Variants in SBF1 observed in about 807,000 individuals in gnomAD.
SBF1 encodes the protein myotubularin-related protein 5.
In SBF1, 65 loss-of-function variants were observed where a neutral mutation model predicts 215.8. The ratio of observed to expected loss-of-function variants is 0.30; its 90% CI spans 0.25 to 0.37. The LOEUF is 0.37. SBF1 is among the 10% of genes least tolerant of loss of function. The probability of loss-of-function intolerance (pLI) is 1.00; values close to 1 mark genes in which losing one functional copy is unlikely to be tolerated. For synonymous variants in SBF1, 1,410 were observed against 1,122.8 expected, an observed-to-expected ratio of 1.26 and a Z score of -5.11; for missense variants, 2,634 against 2,667.8, an observed-to-expected ratio of 0.99 and a Z score of 0.28.
rs2066829427 is a variant in SBF1 at position 50,446,632 on chromosome 22, A to C, written c.*510T>G. On this transcript the variant is annotated 3_prime_UTR_variant, in exon 41 of 41. Coordinates refer to ENST00000380817, the MANE Select transcript of SBF1 (RefSeq NM_002972.4). ...AGCCTCCTGCTCGATCCGCCCCCAG[A>C]GCAAAGTCACTCCCAGGGACATGCA... 3 of 354,104 alleles carry C rather than the reference A, an allele frequency of 8.5e-6. No homozygotes were observed. The highest frequency in any genetic ancestry group is 1.7e-5 in the Non-Finnish European group (3 of 178,634). The allele number at this position is 354,104 out of a possible 1,614,324, so 21.9% of individuals were successfully genotyped here. A position where few individuals can be genotyped will look rare whatever the true frequency, so the allele number is the denominator to read the frequency against.
In SBF1 at chr22:50,453,549, A is replaced by C. The variant is rs576702050; in HGVS notation, c.5043+963T>G. On this transcript the variant is annotated intron_variant, in intron 36 of 40. Coordinates refer to ENST00000380817, the MANE Select transcript of SBF1 (RefSeq NM_002972.4). ...ACGCCTGTAATCCCAGCACTTTGGGAGGCCGAGGCAGGTGGATCACGAGGT... is the reference window on the plus strand; with the variant it reads ...ACGCCTGTAATCCCAGCACTTTGGGCGGCCGAGGCAGGTGGATCACGAGGT... 2.1e-4 allele frequency among the ~76,000 whole-genome samples: 32 copies of C among 152,332 alleles called. No homozygotes were observed. The Middle Eastern group carries it at 0.01, about 49-fold the overall frequency.
In SBF1 at chr22:50,456,699, C is replaced by T. The variant is rs141069501; in HGVS notation, c.3905-26G>A. ...CTGTGAAGGAGATGCCAGGTAAGCA[C>T]CCAAAGGGGGCCAGGGCACCACTTA... On this transcript the variant is annotated intron_variant, in intron 29 of 40. Coordinates refer to ENST00000380817, the MANE Select transcript of SBF1 (RefSeq NM_002972.4). 4,411 of 1,450,190 alleles carry T rather than the reference C, an allele frequency of 3.0e-3. 42 individuals carry two copies. The highest frequency in any genetic ancestry group is 0.022 in the South Asian group (1,506 of 68,062). 89.8% of individuals were successfully genotyped at this position (1,450,190 alleles called of 1,614,324 possible).
chr22:50,468,028 A>C (rs2067848669), intron 2 of SBF1, 105 bp from the exon 3 acceptor site: 4 of 1,386,454 alleles, frequency 2.9e-6, no homozygotes, highest in Non-Finnish European at 4.0e-6. Context: ...TCCAACACAC[A>C]CAGGCAGCTC....
chr22:50,456,018 T>C (rs1349823011), intron 31 of SBF1, 198 bp downstream of exon 31: 3 of 619,358 alleles, frequency 4.8e-6, no homozygotes, highest in African/African-American at 1.9e-5. Flanking sequence ...CTGGCCACTC[T>C]CACTGTCAGC....
In SBF1 at chr22:50,462,912, G is replaced by A. The variant is rs1198266152; in HGVS notation, c.1926C>T (p.Gly642=). ...CCAGAGGCAGCAGAGCCGCCGCAAT[G>A]CCATGCTCGTCCAGAGAAGTGCAGT... ...LQDCTSLDEH[G]IAAALLPLVT... Residue 642 remains glycine (G), a synonymous_variant, in exon 17 of 41, where the codon GGC becomes GGT. Transcript: ENST00000380817. 2 of 1,613,148 alleles carry A rather than the reference G, an allele frequency of 1.2e-6. No homozygotes were observed. Among genetic ancestry groups the A allele is most frequent in the Non-Finnish European group, 1.7e-6 (2 of 1,179,920 alleles).
chr22:50,454,897 T>G lies in SBF1; in HGVS notation c.4729A>C (p.Arg1577=). Residue 1577 remains arginine (R), a synonymous_variant, in exon 35 of 41, where the codon AGG becomes CGG. Coordinates refer to ENST00000380817, the MANE Select transcript of SBF1 (RefSeq NM_002972.4). ...KGERRGQVPC[R]SVWEYVDRLS... ...CGGTCCACATACTCCCACACAGACC[T>G]GCACGGCACCTGGCCCCTGCGTTCC... is the stretch of plus-strand genomic sequence containing the variant. 1 of 1,614,098 alleles carries G rather than the reference T, an allele frequency of 6.2e-7. No individual in the cohort carries two copies. Among genetic ancestry groups the G allele is most frequent in the Non-Finnish European group, 8.5e-7 (1 of 1,180,004 alleles).
At chr22:50,462,834 G>A (rs201286164) in intron 17 of SBF1, 36 bp downstream of exon 17, 16 of 1,612,112 alleles carry the variant, frequency 9.9e-6, no homozygotes, top group Middle Eastern at 1.6e-4. Flanking sequence ...AGGAAGGGGG[G>A]GCTGGGAAGG....
Position 50,464,637 on chromosome 22 carries a change from G to T in SBF1, c.1533C>A (p.Gly511=), listed in dbSNP as rs769478830. 1.9e-6 allele frequency: 3 copies of T among 1,610,174 alleles called. No individual in the cohort carries two copies. Among genetic ancestry groups the T allele is most frequent in the Non-Finnish European group, 2.5e-6 (3 of 1,179,808 alleles). ...CCTGGTCCACGATCCACTGCACGGT[G>T]CCCTCATCCAGCCGGGGGAAGGGTC... The part of the protein sequence containing the change: ...VPRPFPRLDE[G]TVQWIVDQAA... The change falls in exon 14 of 41, where the codon GGC becomes GGA. Residue 511 remains glycine (G), a synonymous_variant. Coordinates refer to ENST00000380817, the MANE Select transcript of SBF1 (RefSeq NM_002972.4).
intron 11 of SBF1, 33 bp from the exon 12 acceptor site, chr22:50,465,162 G>A (rs534309630): frequency 4.3e-5 from 69 of 1,613,846 alleles, no homozygotes; most frequent in African/African-American, 2.8e-4. Flanking sequence ...TCCCTCAGGG[G>A]TCTCCACCAT....
chr22:50,464,996 T>C lies in SBF1; in HGVS notation c.1332+5A>G. ...GGGGGCTGGGAGGGCAGGGTGGAGG[T>C]GCACCTCATCGAACAGGTCCGTAGG... is the stretch of plus-strand genomic sequence containing the variant. On this transcript the variant is annotated splice_donor_5th_base_variant and intron_variant, in intron 12 of 40. Coordinates refer to ENST00000380817, the MANE Select transcript of SBF1 (RefSeq NM_002972.4). 2 of 1,613,658 alleles carry C rather than the reference T, an allele frequency of 1.2e-6. No homozygotes were observed. Among genetic ancestry groups the C allele is most frequent in the Non-Finnish European group, 8.5e-7 (1 of 1,179,890 alleles).
In SBF1 at chr22:50,447,434, C is replaced by T. The variant is rs202149945; in HGVS notation, c.5471G>A (p.Arg1824His). 413 of 1,613,788 alleles carry T rather than the reference C, an allele frequency of 2.6e-4. No homozygotes were observed. The highest frequency in any genetic ancestry group is 3.2e-4 in the Non-Finnish European group (377 of 1,179,962). Residue 1824 changes from arginine to histidine, a missense_variant, in exon 40 of 41, where the codon CGT becomes CAT. Transcript: ENST00000380817. ...GACACCCTTGCACTCTGTGTCCACA[C>T]GGTGGTCGTAGTAGCGCAGCTGGAG... The part of the protein sequence containing the change: ...TKHQLRYYDH[R>H]VDTECKGVID...
Position 50,459,643 on chromosome 22 carries a change from G to T in SBF1, c.3515C>A (p.Pro1172His), listed in dbSNP as rs1269661338. 6.2e-7 allele frequency: 1 copy of T among 1,607,418 alleles called. No homozygotes were observed. Among genetic ancestry groups the T allele is most frequent in the Non-Finnish European group, 8.5e-7 (1 of 1,177,948 alleles). The change falls in exon 27 of 41, where the codon CCC (proline) becomes CAC (histidine). Residue 1172 changes from proline to histidine, a missense_variant. By Grantham distance (77) the Pro-to-His change is moderately conservative. Transcript: ENST00000380817. ...CRSYPGLLIV[P>H]QSVQDNALQR... is the part of the protein sequence containing the mutation. The stretch of plus-strand genomic sequence containing the variant: ...CAGGGCGTTGTCCTGGACACTCTGG[G>T]GCACGATCAGCAGCCCTGGGTAGCT...
In SBF1 at chr22:50,454,935, T is replaced by C; in HGVS notation, c.4691A>G (p.Tyr1564Cys). The C allele has an allele frequency of 6.2e-7, 1 of 1,613,934 alleles. No homozygotes were observed. ...DYERIELGLL[Y>C]EEKGERRGQV... Reference sequence around the variant, plus strand: ...GCCCCTGCGTTCCCCCTTCTCCTCATACAGCAGCCCTGCACAGAAGCAGCA... The same window carrying C: ...GCCCCTGCGTTCCCCCTTCTCCTCACACAGCAGCCCTGCACAGAAGCAGCA... The change falls in exon 35 of 41, where the codon TAT (tyrosine) becomes TGT (cysteine). Residue 1564 changes from tyrosine to cysteine, a missense_variant. By Grantham distance (194) the Tyr-to-Cys change is radical. Transcript: ENST00000380817.
rs1304295647 is a variant in SBF1 at position 50,474,916 on chromosome 22, G to GCCCGGC, written c.-82_-77dup. 1.5e-4 allele frequency: 158 copies of GCCCGGC among 1,065,902 alleles called. 5 individuals are homozygous for GCCCGGC. In the South Asian group the frequency reaches 2.4e-3, roughly 16 times the overall value. 66.0% of individuals were successfully genotyped at this position (1,065,902 alleles called of 1,614,324 possible). ...GGGACTCGAGGACGGCGCGCTCATG[G>GCCCGGC]CCCGGCCCCGGCCCTGGACCGCGCA... On this transcript the variant is annotated 5_prime_UTR_variant, in exon 1 of 41. Coordinates refer to ENST00000380817, the MANE Select transcript of SBF1 (RefSeq NM_002972.4).
Position 50,462,134 on chromosome 22 carries a change from A to G in SBF1, c.2397-15T>C. 6.2e-7 allele frequency: 1 copy of G among 1,611,834 alleles called. No individual in the cohort carries two copies. Among genetic ancestry groups the G allele is most frequent in the South Asian group, 1.1e-5 (1 of 91,082 alleles). On this transcript the variant is annotated splice_polypyrimidine_tract_variant and intron_variant, in intron 19 of 40. Transcript: ENST00000380817. ...TGCCAGCCATGCTGGGCCAGAGAAG[A>G]AACTGTGGGCATGGGCCCTGCCCAC...
Position 50,454,620 on chromosome 22 carries a change from C to T in SBF1, c.4935G>A (p.Glu1645=). ...GAGCGCCTCCATCAGACCGTTCTTC[C>T]TCTGGGGGTTCAGGGGGCCCCTGGG... ...ELAQGPPEPP[E]EERSDGGAPQ... is the part of the protein sequence containing the mutation. Residue 1645 remains glutamate (E), a synonymous_variant, in exon 36 of 41, where the codon GAG becomes GAA. Transcript: ENST00000380817. 6.2e-7 allele frequency: 1 copy of T among 1,605,412 alleles called. No individual in the cohort carries two copies. The highest frequency in any genetic ancestry group is 8.5e-7 in the Non-Finnish European group (1 of 1,175,854).
chr22:50,458,115 C>G (rs1012918421), intron 28 of SBF1, among the ~76,000 whole-genome samples: 1 of 152,180 alleles, frequency 6.6e-6, no homozygotes, highest in East Asian at 1.9e-4. Context: ...CTGGCTAACA[C>G]GGTAAAACCC....
intron 23 of SBF1, 79 bp from the exon 24 acceptor site, chr22:50,460,791 C>A: frequency 1.4e-6 from 2 of 1,447,254 alleles, no homozygotes; most frequent in South Asian, 2.5e-5. Flanking sequence ...CCAGGCTCCC[C>A]TTCCCCTCGC....
intron 16 of SBF1, 88 bp from the exon 17 acceptor site, chr22:50,463,026 A>C: frequency 7.6e-7 from 1 of 1,324,112 alleles, no homozygotes; most frequent in Non-Finnish European, 1.1e-6. Flanking sequence ...CATAACCACC[A>C]CAGACCAGCA....
Sources: gnomAD v4.1 joint callset for allele counts (sites outside exome capture counted in the v4.1 genomes callset) on GRCh38, gnomAD v4.1.1 for gene constraint, MANE v1.5 for transcripts, NCBI Gene and HGNC (gene_info 2026-07-23, HGNC 2026-07-21) for gene names.